ARRDC5: variants seen among roughly 807,000 people sequenced by gnomAD.
The protein encoded by ARRDC5 is arrestin domain containing 5.
In ARRDC5, 12 loss-of-function variants were observed where a neutral mutation model predicts 13.3. That is an observed-to-expected ratio of 0.90 (90% CI 0.58 to 1.46). ARRDC5 has a LOEUF of 1.46. Ranked by LOEUF, ARRDC5 falls within the 40% of genes most tolerant of loss-of-function variation. ARRDC5 has a pLI of 0.00. For synonymous variants in ARRDC5, 181 were observed against 173.4 expected, an observed-to-expected ratio of 1.04 and a Z score of -0.34; for missense variants, 406 against 418.7, an observed-to-expected ratio of 0.97 and a Z score of 0.26.
In ARRDC5 at chr19:4,890,841, C is replaced by T; in HGVS notation, c.*205G>A. 1 of 553,636 alleles carries T rather than the reference C, an allele frequency of 1.8e-6. No homozygotes were observed. Among genetic ancestry groups the T allele is most frequent in the South Asian group, 2.3e-5 (1 of 43,146 alleles). 34.3% of individuals were successfully genotyped at this position (553,636 alleles called of 1,614,324 possible). A position where few individuals can be genotyped will look rare whatever the true frequency, so the allele number is the denominator to read the frequency against. ...TATGCCGGGTTTGGGTCCTGGGAGA[C>T]CTTCCCGGTTTCCTTTGTCCATTCC... On this transcript the variant is annotated 3_prime_UTR_variant, in exon 3 of 3. Transcript: ENST00000650722.
the ARRDC5 span, among the ~76,000 whole-genome samples, chr19:4,912,482 T>C: frequency 1.3e-5 from 2 of 152,198 alleles, no homozygotes; most frequent in African/African-American, 4.8e-5. Flanking sequence ...GTATCCACTC[T>C]ATGCCAGCCA....
chr19:4,909,344 T>C, the ARRDC5 span: 1 of 590,048 alleles, frequency 1.7e-6, no homozygotes. Flanking sequence ...CGTGGCCCAC[T>C]AGGCGGAGGC....
chr19:4,896,936 C>CTTTT, intron 1 of ARRDC5, 60 bp from the exon 2 acceptor site: 2 of 943,318 alleles, frequency 2.1e-6, no homozygotes, highest in Non-Finnish European at 3.1e-6. Flanking sequence ...CCTTCTTCTT[C>CTTTT]TTTTTTTTTT....
chr19:4,892,388 A>ATT lies in ARRDC5; in HGVS notation c.460-817_460-816dup, dbSNP rs143254505. Among the ~76,000 whole-genome samples, 1,022 of 122,502 alleles carry ATT rather than the reference A, an allele frequency of 8.3e-3. 9 individuals are homozygous for ATT. The highest frequency in any genetic ancestry group is 0.05 in the Middle Eastern group (12 of 238). The allele number at this position is 122,502 out of a possible 152,430, so 80.4% of individuals were successfully genotyped here. A position where few individuals can be genotyped will look rare whatever the true frequency, so the allele number is the denominator to read the frequency against. Reference sequence around the variant, plus strand: ...ACAGGCATGAGCCACTGCATCCAGCATTTTTTTTTTTTTTAATGCAGCCTG... The same window carrying ATT: ...ACAGGCATGAGCCACTGCATCCAGCATTTTTTTTTTTTTTTTAATGCAGCCTG... On this transcript the variant is annotated intron_variant, in intron 2 of 2. Transcript: ENST00000650722.
At chr19:4,905,704 G>C (rs1425612448), upstream of ARRDC5, among the ~76,000 whole-genome samples, 1 of 151,952 alleles carries the variant, frequency 6.6e-6, no homozygotes, top group Non-Finnish European at 1.5e-5. Flanking sequence ...TTTTAGTAGA[G>C]ACGGGGTTTC....
chr19:4,911,189 C>T, the ARRDC5 span, among the ~76,000 whole-genome samples: 3 of 149,848 alleles, frequency 2.0e-5, no homozygotes, highest in Middle Eastern at 0.01. Context: ...TCCACAGAAA[C>T]CTCAAATGCC....
the ARRDC5 span, among the ~76,000 whole-genome samples, chr19:4,908,879 T>C: frequency 6.6e-6 from 1 of 152,066 alleles, no homozygotes; most frequent in African/African-American, 2.4e-5. Flanking sequence ...GTCACTCCTG[T>C]GCCCGCCAGG....
At chr19:4,904,175 TTTTG>T (rs953949022), upstream of ARRDC5, among the ~76,000 whole-genome samples, 4 of 150,334 alleles carry the variant, frequency 2.7e-5, no homozygotes, top group African/African-American at 9.8e-5. Flanking sequence ...TTCTTTTTGT[TTTTG>T]TTTTTGTTTT....
rs2031591302 is a variant in ARRDC5 at position 4,893,641 on chromosome 19, A to G, written c.460-2068T>C. On this transcript the variant is annotated intron_variant, in intron 2 of 2. Coordinates refer to ENST00000650722, the MANE Select transcript of ARRDC5 (RefSeq NM_001080523.3). ...CATGGTGGCTCATGCCTGTAATCCC[A>G]GCACTTTGGGGAGGCCAAGGGGGGA... Among the ~76,000 whole-genome samples, 3 of 149,924 alleles carry G rather than the reference A, an allele frequency of 2.0e-5. No individual in the cohort carries two copies. The South Asian group carries it at 6.4e-4, about 32-fold the overall frequency.
the ARRDC5 span, among the ~76,000 whole-genome samples, chr19:4,911,630 C>T: frequency 5.3e-5 from 8 of 152,340 alleles, no homozygotes; most frequent in Admixed American, 3.3e-4. Context: ...CACCGACCCT[C>T]GTCTCTTTCT....
the ARRDC5 span, among the ~76,000 whole-genome samples, chr19:4,913,863 G>C: frequency 2.1e-5 from 3 of 142,768 alleles, no homozygotes; most frequent in Admixed American, 7.2e-5. Flanking sequence ...CCAAGGTGGA[G>C]TGCAATTGCG....
chr19:4,909,554 C>T, the ARRDC5 span: 2 of 658,890 alleles, frequency 3.0e-6, no homozygotes, highest in Non-Finnish European at 2.7e-6. Flanking sequence ...CTCCGGGTCG[C>T]ACGCAAGTCC....
chr19:4,894,749 AGAG>A (rs34005266), intron 2 of ARRDC5, among the ~76,000 whole-genome samples: 11,707 of 149,574 alleles, frequency 0.078, 560 homozygotes, highest in Middle Eastern at 0.19. Flanking sequence ...AGGAAGAGGA[AGAG>A]GAAGAAGAAG....
At chr19:4,897,848 A>C (rs2031786322) in intron 1 of ARRDC5, among the ~76,000 whole-genome samples, 1 of 152,196 alleles carries the variant, frequency 6.6e-6, no homozygotes, top group African/African-American at 2.4e-5. Flanking sequence ...GCACTTTGGG[A>C]GGCCAAGGCG....
intron 2 of ARRDC5, among the ~76,000 whole-genome samples, chr19:4,896,405 CAT>C (rs1555740989): frequency 0.031 from 3,335 of 106,170 alleles, 99 homozygotes; most frequent in Middle Eastern, 0.053. Context: ...CACACACACA[CAT>C]ATATATAATT....
At chr19:4,909,564 C>T in the ARRDC5 span, 2 of 657,880 alleles carry the variant, frequency 3.0e-6, no homozygotes, top group East Asian at 3.2e-5. Flanking sequence ...CACGCAAGTC[C>T]GCGCGGGGTC....
At chr19:4,904,135 G>T (rs1158346458), upstream of ARRDC5, among the ~76,000 whole-genome samples, 2 of 151,402 alleles carry the variant, frequency 1.3e-5, no homozygotes, top group Non-Finnish European at 2.9e-5. Flanking sequence ...GGGGTTACAG[G>T]CACCTGCCCC....
chr19:4,892,042 C>A (rs2031531653), intron 2 of ARRDC5, among the ~76,000 whole-genome samples: 1 of 151,670 alleles, frequency 6.6e-6, no homozygotes, highest in Admixed American at 6.6e-5. Flanking sequence ...ATTTTGCAGT[C>A]AAAAACCTGG....
the ARRDC5 span, chr19:4,911,076 C>G: frequency 2.7e-6 from 4 of 1,487,534 alleles, no homozygotes; most frequent in Non-Finnish European, 3.6e-6. Flanking sequence ...TATGCCTGGT[C>G]CAGGCCTCGC....
Sources: allele counts gnomAD v4.1 joint callset (sites outside exome capture counted in the v4.1 genomes callset), GRCh38; gene constraint gnomAD v4.1.1; transcripts MANE v1.5; gene names NCBI Gene and HGNC (gene_info 2026-07-23, HGNC 2026-07-21).